Variants in PRKDC observed in about 807,000 individuals in gnomAD.
The protein encoded by PRKDC is protein kinase, DNA-activated, catalytic subunit, also known as DNA-dependent protein kinase catalytic subunit.
PRKDC carries 82 observed loss-of-function variants against 486.9 expected under a neutral mutation model. The ratio of observed to expected loss-of-function variants is 0.17; its 90% CI spans 0.14 to 0.20. PRKDC has a LOEUF of 0.20. PRKDC is among the 10% of genes least tolerant of loss of function. The pLI is 1.00. For synonymous variants in PRKDC, 1,895 were observed against 1,837.0 expected (o/e 1.03, Z -0.81); for missense variants, 4,504 against 5,038.2 (o/e 0.89, Z 3.21).
intron 19 of PRKDC, 41 bp from the exon 20 acceptor site, chr8:47,927,931 C>A: frequency 2.2e-6 from 3 of 1,392,640 alleles, no homozygotes; most frequent in Non-Finnish European, 2.8e-6. Context: ...CTGAATAGAG[C>A]CTACATTTGA....
chr8:47,877,891 T>G, intron 39 of PRKDC, 40 bp from the exon 40 acceptor site: 1 of 1,383,158 alleles, frequency 7.2e-7, no homozygotes. Context: ...TTTTGTTGGG[T>G]TTTACTTTTG....
chr8:47,788,059 C>A (rs2086819750), intron 76 of PRKDC, among the ~76,000 whole-genome samples: 1 of 152,140 alleles, frequency 6.6e-6, no homozygotes, highest in African/African-American at 2.4e-5. Flanking sequence ...CTTATCTATG[C>A]CCTTAAATTT....
intron 27 of PRKDC, among the ~76,000 whole-genome samples, chr8:47,900,741 C>T (rs534331751): frequency 3.3e-5 from 5 of 151,438 alleles, no homozygotes; most frequent in African/African-American, 7.3e-5. Flanking sequence ...CCCAGCTACT[C>T]GGGAGGCTGA....
chr8:47,802,435 C>T (rs142190823), intron 70 of PRKDC, among the ~76,000 whole-genome samples: 1 of 151,670 alleles, frequency 6.6e-6, no homozygotes, highest in African/African-American at 2.4e-5. Flanking sequence ...AGCTTTCTTC[C>T]TTTAATGTAG....
intron 27 of PRKDC, among the ~76,000 whole-genome samples, 154 bp downstream of exon 27, chr8:47,902,415 T>C (rs1257087628): frequency 6.6e-6 from 1 of 152,194 alleles, no homozygotes; most frequent in African/African-American, 2.4e-5. Flanking sequence ...AAACTGAATT[T>C]TAATTCACTT....
chr8:47,840,611 T>C (rs2088118485), intron 54 of PRKDC, among the ~76,000 whole-genome samples: 1 of 152,224 alleles, frequency 6.6e-6, no homozygotes, highest in African/African-American at 2.4e-5. Context: ...AAAAAGTTTA[T>C]TTTTAGAAAA....
rs576343871 is a variant in PRKDC at position 47,939,741 on chromosome 8, A to G, written c.967-44T>C. 14 of 1,432,300 alleles carry G rather than the reference A, an allele frequency of 9.8e-6. 1 individual carries two copies. The African/African-American group carries it at 1.4e-4, about 15-fold the overall frequency. The allele number at this position is 1,432,300 out of a possible 1,614,324, so 88.7% of individuals were successfully genotyped here. ...TATTTTTTTGGAAATATTTAATAGC[A>G]ATGGAATCTATACAAACATGGAAAA... is the stretch of plus-strand genomic sequence containing the variant. On this transcript the variant is annotated intron_variant, in intron 10 of 85. Transcript: ENST00000314191.
intron 7 of PRKDC, among the ~76,000 whole-genome samples, chr8:47,951,473 T>C (rs886707635): frequency 6.6e-6 from 1 of 151,100 alleles, no homozygotes; most frequent in African/African-American, 2.4e-5. Flanking sequence ...CCTGCAACCC[T>C]AGTACTCTGG....
At position 47,778,611 on chromosome 8, in the gene PRKDC, G is replaced by A; in HGVS notation, c.11701C>T (p.Arg3901Cys). 8 of 1,613,664 alleles carry A rather than the reference G, an allele frequency of 5.0e-6. No homozygotes were observed. The highest frequency in any genetic ancestry group is 1.7e-5 in the Admixed American group (1 of 59,970). ...STSPEAFLAL[R>C]SHFASSHALI... ...GCGTGAGAGCTGGCGAAGTGGGAGCGGAGCGCCAGGAAAGCCTCAGGGCTT... is the reference window on the plus strand; with the variant it reads ...GCGTGAGAGCTGGCGAAGTGGGAGCAGAGCGCCAGGAAAGCCTCAGGGCTT... The change falls in exon 83 of 86, where the codon CGC becomes TGC. Residue 3901 changes from arginine (R) to cysteine (C), a missense_variant. Transcript: ENST00000314191.
intron 59 of PRKDC, among the ~76,000 whole-genome samples, chr8:47,832,980 G>C (rs1190928247): frequency 6.6e-6 from 1 of 152,208 alleles, no homozygotes; most frequent in Non-Finnish European, 1.5e-5. Flanking sequence ...CTGCAAAGCA[G>C]GGAGTCCAGG....
chr8:47,887,266 G>C (rs2089356372), intron 35 of PRKDC, among the ~76,000 whole-genome samples: 2 of 152,166 alleles, frequency 1.3e-5, no homozygotes. Flanking sequence ...ATGTCAACAT[G>C]ACTCAGCTTC....
chr8:47,777,617 C>G, intron 84 of PRKDC, 69 bp downstream of exon 84: 1 of 1,420,750 alleles, frequency 7.0e-7, no homozygotes, highest in South Asian at 1.4e-5. Flanking sequence ...CCATCATACA[C>G]GAGAGATACC....
chr8:47,926,131 T>C (rs983991005), intron 21 of PRKDC, among the ~76,000 whole-genome samples: 3 of 152,222 alleles, frequency 2.0e-5, no homozygotes, highest in Non-Finnish European at 4.4e-5. Flanking sequence ...TAAAGATATA[T>C]GCTATCAGAT....
intron 16 of PRKDC, 43 bp from the exon 17 acceptor site, chr8:47,930,830 C>A (rs770894134): frequency 1.5e-5 from 22 of 1,496,162 alleles, no homozygotes; most frequent in Non-Finnish European, 2.0e-5. Context: ...ACCATTCAAT[C>A]ACGAATCACT....
rs549822204 is a variant in PRKDC at position 47,825,611 on chromosome 8, A to T, written c.8783+1045T>A. On this transcript the variant is annotated intron_variant, in intron 63 of 85. Coordinates refer to ENST00000314191, the MANE Select transcript of PRKDC (RefSeq NM_006904.7). ...ATGAGAATGTACTTAATACAGTTAGAAAAAAATGTTTAAAGTTTAGGCCCT... is the reference window on the plus strand; with the variant it reads ...ATGAGAATGTACTTAATACAGTTAGTAAAAAATGTTTAAAGTTTAGGCCCT... Among the ~76,000 whole-genome samples the T allele has an allele frequency of 6.8e-4, 103 of 152,190 alleles. 1 individual carries two copies. The highest frequency in any genetic ancestry group is 2.4e-3 in the African/African-American group (99 of 41,512).
Position 47,837,398 on chromosome 8 carries a change from C to A in PRKDC, c.7575G>T (p.Trp2525Cys), listed in dbSNP as rs368272829. The change falls in exon 57 of 86, where the codon TGG (tryptophan) becomes TGT (cysteine). Residue 2525 changes from tryptophan to cysteine, a missense_variant. Physicochemically the swap from Trp to Cys is radical, Grantham distance 215. This residue lies in a region of PRKDC where 1,592 missense variants were observed against 1,724.6 expected (regional missense o/e 0.92). Coordinates refer to ENST00000314191, the MANE Select transcript of PRKDC (RefSeq NM_006904.7). ...PGLQLIIRNF[W>C]SHETRLPSNT... The stretch of plus-strand genomic sequence containing the variant: ...TTGAAGGTAACCTAGTTTCATGGCT[C>A]CAGAAATTTCGAATAATTAATCTGA... 9 of 1,609,062 alleles carry A rather than the reference C, an allele frequency of 5.6e-6. No homozygotes were observed. The highest frequency in any genetic ancestry group is 1.3e-5 in the African/African-American group (1 of 74,686).
chr8:47,883,123 T>C (rs1277344214), intron 36 of PRKDC, among the ~76,000 whole-genome samples: 1 of 152,204 alleles, frequency 6.6e-6, no homozygotes, highest in Non-Finnish European at 1.5e-5. Context: ...CAGGGACCTC[T>C]TGGGGATCTG....
intron 21 of PRKDC, among the ~76,000 whole-genome samples, chr8:47,923,941 T>C (rs1232798972): frequency 6.6e-6 from 1 of 152,206 alleles, no homozygotes; most frequent in Non-Finnish European, 1.5e-5. Context: ...CAATGGGTGC[T>C]AATTTAAGCT....
chr8:47,806,336 C>T (rs2087214971), intron 69 of PRKDC, among the ~76,000 whole-genome samples: 1 of 152,228 alleles, frequency 6.6e-6, no homozygotes, highest in Admixed American at 6.5e-5. Context: ...CTAAGTCCTT[C>T]AGTTCAGATC....
Sources: gnomAD v4.1 joint callset for allele counts (sites outside exome capture counted in the v4.1 genomes callset) on GRCh38, gnomAD v4.1.1 for gene constraint, gnomAD v4.1.1 regional missense constraint, MANE v1.5 for transcripts, NCBI Gene and HGNC (gene_info 2026-07-23, HGNC 2026-07-21) for gene names.